The following ANO6 variants were observed in gnomAD, a reference collection of about 807,000 sequenced individuals.
ANO6 encodes anoctamin-6.
In ANO6, 106 loss-of-function variants were observed where a neutral mutation model predicts 117.5. The observed-to-expected ratio is 0.90, with a 90% CI of 0.77 to 1.06. The LOEUF (loss-of-function observed/expected upper bound fraction) is 1.06, where lower values mean the gene tolerates loss of function less well. Ranked by LOEUF, ANO6 falls within the 50% of genes least tolerant of loss-of-function variation. The pLI is 0.00. For missense variants in ANO6, 955 were observed against 1,121.1 expected (o/e 0.85, Z 2.12); for synonymous variants, 367 against 385.1 (o/e 0.95, Z 0.55).
chr12:45,395,803 A>G (rs983809386), intron 12 of ANO6, among the ~76,000 whole-genome samples: 2 of 152,246 alleles, frequency 1.3e-5, no homozygotes, highest in Non-Finnish European at 1.5e-5. Flanking sequence ...CCTTCCTGCT[A>G]AAAACTCTCA....
chr12:45,291,601 CA>C (rs1939103099), intron 1 of ANO6, among the ~76,000 whole-genome samples: 1 of 152,152 alleles, frequency 6.6e-6, no homozygotes, highest in East Asian at 1.9e-4. Context: ...AACTCCTGAA[CA>C]CAGCAAAAAG....
intron 1 of ANO6, among the ~76,000 whole-genome samples, chr12:45,222,246 C>T (rs1041701641): frequency 4.6e-5 from 7 of 152,002 alleles, no homozygotes; most frequent in Non-Finnish European, 7.4e-5. Flanking sequence ...CTGCAACCTC[C>T]GCCTCCCGGG....
At chr12:45,263,759 A>G (rs1246201999) in intron 1 of ANO6, among the ~76,000 whole-genome samples, 1 of 152,200 alleles carries the variant, frequency 6.6e-6, no homozygotes, top group East Asian at 1.9e-4. Flanking sequence ...GTTATGTGGC[A>G]GGTAACATGC....
At chr12:45,361,174 C>A (rs1468374904) in intron 8 of ANO6, among the ~76,000 whole-genome samples, 2 of 151,546 alleles carry the variant, frequency 1.3e-5, no homozygotes, top group East Asian at 1.9e-4. Context: ...AATCCCTGAA[C>A]ACAGGATGTC....
intron 17 of ANO6, among the ~76,000 whole-genome samples, chr12:45,419,146 C>T (rs1220445331): frequency 6.6e-6 from 1 of 152,158 alleles, no homozygotes; most frequent in Non-Finnish European, 1.5e-5. Context: ...GCCAGAGCAT[C>T]TGTTATTGAA....
intron 1 of ANO6, among the ~76,000 whole-genome samples, chr12:45,281,281 G>A (rs1938723173): frequency 6.6e-6 from 1 of 152,178 alleles, no homozygotes; most frequent in Non-Finnish European, 1.5e-5. Flanking sequence ...GATGCTTGTA[G>A]TCTCTTTTTA....
At chr12:45,367,281 C>A (rs999255435) in intron 8 of ANO6, among the ~76,000 whole-genome samples, 3 of 152,210 alleles carry the variant, frequency 2.0e-5, no homozygotes, top group African/African-American at 7.2e-5. Flanking sequence ...TGCACCTGGC[C>A]TTTACTCAAC....
intron 19 of ANO6, among the ~76,000 whole-genome samples, chr12:45,426,827 A>C (rs1282232121): frequency 6.6e-6 from 1 of 151,816 alleles, no homozygotes; most frequent in African/African-American, 2.4e-5. Context: ...GATCTCCTGG[A>C]GTCTGCTGGC....
intron 1 of ANO6, among the ~76,000 whole-genome samples, chr12:45,242,113 C>T (rs1197362956): frequency 6.6e-6 from 1 of 152,238 alleles, no homozygotes; most frequent in African/African-American, 2.4e-5. Flanking sequence ...AGTTGTCAGA[C>T]AGGGATGTTT....
chr12:45,264,670 A>G (rs1031888710), intron 1 of ANO6, among the ~76,000 whole-genome samples: 9 of 152,236 alleles, frequency 5.9e-5, no homozygotes, highest in African/African-American at 1.2e-4. Flanking sequence ...GGATACATAC[A>G]TATTTATGTA....
intron 2 of ANO6, among the ~76,000 whole-genome samples, chr12:45,304,813 C>T (rs994124130): frequency 6.6e-6 from 1 of 152,178 alleles, no homozygotes; most frequent in Non-Finnish European, 1.5e-5. Flanking sequence ...TCAAGTTTTC[C>T]TTCACAGCTG....
intron 1 of ANO6, among the ~76,000 whole-genome samples, chr12:45,224,721 C>T (rs1395533393): frequency 6.6e-6 from 1 of 152,164 alleles, no homozygotes; most frequent in Non-Finnish European, 1.5e-5. Flanking sequence ...GCTGTATACA[C>T]ACTCGTCTTT....
Position 45,226,357 on chromosome 12 carries a change from T to A in ANO6, c.70+9966T>A, listed in dbSNP as rs192519633. Among the ~76,000 whole-genome samples, 79 of 152,268 alleles carry A rather than the reference T, an allele frequency of 5.2e-4. 1 individual carries two copies. The South Asian group carries it at 0.012, about 24-fold the overall frequency. ...GTCCAAATGTTGCTTTTATATCTAATGCTTTCATAATAGTACATTGGAATT... is the reference window on the plus strand; with the variant it reads ...GTCCAAATGTTGCTTTTATATCTAAAGCTTTCATAATAGTACATTGGAATT... On this transcript the variant is annotated intron_variant, in intron 1 of 19. Transcript: ENST00000320560.
chr12:45,307,429 A>G (rs192598124), intron 2 of ANO6, among the ~76,000 whole-genome samples: 1 of 152,202 alleles, frequency 6.6e-6, no homozygotes, highest in Non-Finnish European at 1.5e-5. Context: ...AGAGCAGTCA[A>G]GGAATGACTC....
intron 19 of ANO6, among the ~76,000 whole-genome samples, chr12:45,423,737 A>G (rs1262643631): frequency 6.6e-6 from 1 of 152,200 alleles, no homozygotes; most frequent in Admixed American, 6.5e-5. Flanking sequence ...TTGCTCTCAT[A>G]TATGTGTCCC....
At chr12:45,321,904 T>C (rs1392234492) in intron 2 of ANO6, among the ~76,000 whole-genome samples, 1 of 152,146 alleles carries the variant, frequency 6.6e-6, no homozygotes, top group African/African-American at 2.4e-5. Context: ...TTTAGTAAAG[T>C]TAGTACTTAT....
In ANO6 at chr12:45,397,052, T is replaced by C. The variant is rs371615315; in HGVS notation, c.1387-4743T>C. Among the ~76,000 whole-genome samples, 96 of 152,156 alleles carry C rather than the reference T, an allele frequency of 6.3e-4. 1 individual carries two copies. The East Asian group carries it at 0.018, about 28-fold the overall frequency. On this transcript the variant is annotated intron_variant, in intron 12 of 19. Coordinates refer to ENST00000320560, the MANE Select transcript of ANO6 (RefSeq NM_001025356.3). Reference sequence around the variant, plus strand: ...CAAAAGAAACTACCATCAGAGTGAATAGGCAACCTACAGAATGGGAGAAAA... The same window carrying C: ...CAAAAGAAACTACCATCAGAGTGAACAGGCAACCTACAGAATGGGAGAAAA...
intron 9 of ANO6, among the ~76,000 whole-genome samples, chr12:45,373,849 A>T (rs1941920516): frequency 6.6e-6 from 1 of 152,210 alleles, no homozygotes; most frequent in Non-Finnish European, 1.5e-5. Context: ...GAAGGCAAGA[A>T]ATAACTAAAA....
chr12:45,410,051 C>T lies in ANO6; in HGVS notation c.2011+564C>T, dbSNP rs973216354. ...GATTACACGCATAAGCCACTGGGCC[C>T]GGCCATCTTTACCACGAATTCTTAA... On this transcript the variant is annotated intron_variant, in intron 16 of 19. Transcript: ENST00000320560. Among the ~76,000 whole-genome samples, 5 of 152,302 alleles carry T rather than the reference C, an allele frequency of 3.3e-5. No individual in the cohort carries two copies. The East Asian group carries it at 7.7e-4, about 23-fold the overall frequency.
Sources: gnomAD v4.1 joint callset for allele counts (sites outside exome capture counted in the v4.1 genomes callset) on GRCh38, gnomAD v4.1.1 for gene constraint, MANE v1.5 for transcripts, NCBI Gene and HGNC (gene_info 2026-07-23, HGNC 2026-07-21) for gene names.